NEIL1: variants seen among roughly 807,000 people sequenced by gnomAD.
The protein encoded by NEIL1 is nei like DNA glycosylase 1, also known as endonuclease 8-like 1.
NEIL1 carries 31 observed loss-of-function variants against 44.2 expected under a neutral mutation model. The ratio of observed to expected loss-of-function variants is 0.70; its 90% confidence interval spans 0.53 to 0.95. NEIL1 has a LOEUF of 0.95. NEIL1 is among the 40% of genes least tolerant of loss of function. The pLI is 0.00. For missense variants in NEIL1, 549 were observed against 515.5 expected (o/e 1.07, Z -0.63); for synonymous variants, 254 against 209.7 (o/e 1.21, Z -1.83).
At position 75,357,036 on chromosome 15, in the gene NEIL1, G is replaced by A. The variant is rs2072336450; in HGVS notation, c.*2002G>A. 1.4e-5 allele frequency: 10 copies of A among 689,806 alleles called. 2 individuals carry two copies. The South Asian group carries it at 1.9e-4, about 13-fold the overall frequency. The allele number at this position is 689,806 out of a possible 1,614,324, so 42.7% of individuals were successfully genotyped here. ...TGAACTCCAGCTCCCACTGTACGGG[G>A]CCCTGGGCATGCCACCCAACCTGCC... is the stretch of plus-strand genomic sequence containing the variant. On this transcript the variant is annotated 3_prime_UTR_variant, in exon 10 of 10. Coordinates refer to ENST00000355059, the MANE Select transcript of NEIL1 (RefSeq NM_024608.4).
intron 1 of NEIL1, 51 bp from the exon 2 acceptor site, chr15:75,348,833 T>C (rs1174165711): frequency 6.4e-7 from 1 of 1,562,516 alleles, no homozygotes; most frequent in African/African-American, 1.4e-5. Flanking sequence ...TGACAGCCGC[T>C]ACCTCACAAA....
In NEIL1 at chr15:75,352,164, A is replaced by T; in HGVS notation, c.488A>T (p.Glu163Val). Residue 163 changes from glutamate to valine, a missense_variant, in exon 3 of 10, where the codon GAG becomes GTG. Glu to Val is a moderately radical substitution (Grantham distance 121, BLOSUM62 -2). Transcript: ENST00000355059. The stretch of plus-strand genomic sequence containing the variant: ...AAGGCCTTTGACCGGCCCATCTGCG[A>T]GGCCCTCCTGGACCAGAGGTTCTTC... ...ADKAFDRPICEALLDQRFFNG... is the reference protein window; with the variant it reads ...ADKAFDRPICVALLDQRFFNG... 6.2e-7 allele frequency: 1 copy of T among 1,614,226 alleles called. No individual in the cohort carries two copies. Among genetic ancestry groups the T allele is most frequent in the Non-Finnish European group, 8.5e-7 (1 of 1,180,026 alleles).
At chr15:75,347,744 G>A in intron 1 of NEIL1, 1 of 1,009,636 alleles carries the variant, frequency 9.9e-7, no homozygotes, top group Non-Finnish European at 1.2e-6. Flanking sequence ...GGGGCCCTGA[G>A]GAGGAGGGGA....
chr15:75,353,400 T>A (rs2072086157), intron 5 of NEIL1: 2 of 340,176 alleles, frequency 5.9e-6, no homozygotes, highest in Admixed American at 7.5e-5. Flanking sequence ...TGTTAAAAAT[T>A]TTTTTTGTAG....
In NEIL1 at chr15:75,356,186, G is replaced by A. The variant is rs375127293; in HGVS notation, c.*1152G>A. The A allele has an allele frequency of 6.8e-6, 11 of 1,613,414 alleles. No individual in the cohort carries two copies. In the African/African-American group the frequency reaches 1.5e-4, roughly 22 times the overall value. On this transcript the variant is annotated 3_prime_UTR_variant, in exon 10 of 10. Transcript: ENST00000355059. This position sits in a 1 kb window ranked among gnomAD's most constrained non-coding sequence, Gnocchi z 5.8. The stretch of plus-strand genomic sequence containing the variant: ...CTGCCGTGGGCCTCATACAGCCTCA[G>A]GACCAGCGAGCGGCGCTGGGGGCTG...
intron 1 of NEIL1, chr15:75,348,221 C>A: frequency 1.3e-6 from 1 of 798,258 alleles, no homozygotes; most frequent in Non-Finnish European, 1.5e-6. Flanking sequence ...CGGGGGCGGC[C>A]GCGGGGATGT....
Position 75,355,546 on chromosome 15 carries a change from C to T in NEIL1, c.*512C>T. On this transcript the variant is annotated 3_prime_UTR_variant, in exon 10 of 10. Coordinates refer to ENST00000355059, the MANE Select transcript of NEIL1 (RefSeq NM_024608.4). ...AACCCACCCTTCGGCCCCTCCCCAGCCCCAGGCCCAGGCCCTTTACCTGCT... is the reference window on the plus strand; with the variant it reads ...AACCCACCCTTCGGCCCCTCCCCAGTCCCAGGCCCAGGCCCTTTACCTGCT... 3.8e-6 allele frequency: 1 copy of T among 264,460 alleles called. No homozygotes were observed. Among genetic ancestry groups the T allele is most frequent in the South Asian group, 4.6e-5 (1 of 21,608 alleles). 16.4% of individuals were successfully genotyped at this position (264,460 alleles called of 1,614,324 possible). A position where few individuals can be genotyped will look rare whatever the true frequency, so the allele number is the denominator to read the frequency against.
In NEIL1 at chr15:75,355,031, T is replaced by G. The variant is rs150897379; in HGVS notation, c.1170T>G (p.Ser390=). The G allele has an allele frequency of 1.9e-6, 3 of 1,613,128 alleles. No homozygotes were observed. The highest frequency in any genetic ancestry group is 2.7e-5 in the African/African-American group (2 of 74,918). The part of the protein sequence containing the change: ...PSLEPEGTSA[S] Reference sequence around the variant, plus strand: ...TGGAACCAGAGGGGACCTCAGCCTCTTAGCAGGAGGCTCTCCTTGCTTGCA... The same window carrying G: ...TGGAACCAGAGGGGACCTCAGCCTCGTAGCAGGAGGCTCTCCTTGCTTGCA... Residue 390 remains serine (S), a synonymous_variant, in exon 10 of 10, where the codon TCT becomes TCG. Coordinates refer to ENST00000355059, the MANE Select transcript of NEIL1 (RefSeq NM_024608.4).
In NEIL1 at chr15:75,356,341, G is replaced by C. The variant is rs759838160; in HGVS notation, c.*1307G>C. 6.2e-7 allele frequency: 1 copy of C among 1,612,720 alleles called. No homozygotes were observed. The highest frequency in any genetic ancestry group is 8.5e-7 in the Non-Finnish European group (1 of 1,179,562). On this transcript the variant is annotated 3_prime_UTR_variant, in exon 10 of 10. Transcript: ENST00000355059. The surrounding 1 kb of genome is among the most constrained non-coding windows in gnomAD (Gnocchi z 5.8). ...CAATACGACCGCGGGTGAAGACACG[G>C]AAAACGCACTCCAGGAGGTGGCGGG...
rs750601673 is a variant in NEIL1 at position 75,352,197 on chromosome 15, T to C, written c.521T>C (p.Ile174Thr). Residue 174 changes from isoleucine (I) to threonine (T), a missense_variant, in exon 3 of 10, where the codon ATT (isoleucine) becomes ACT (threonine). Coordinates refer to ENST00000355059, the MANE Select transcript of NEIL1 (RefSeq NM_024608.4). ...ALLDQRFFNG[I>T]GNYLRAEILY... ...CTGGACCAGAGGTTCTTCAATGGCA[T>C]TGGCAACTATCTGCGGGCAGAGATC... The C allele has an allele frequency of 4.3e-6, 7 of 1,614,244 alleles. No individual in the cohort carries two copies. The highest frequency in any genetic ancestry group is 1.3e-5 in the African/African-American group (1 of 75,066).
intron 1 of NEIL1, chr15:75,347,832 T>TA (rs1008865974): frequency 8.6e-7 from 1 of 1,160,736 alleles, no homozygotes; most frequent in African/African-American, 1.6e-5. Flanking sequence ...TCCCCAAAAC[T>TA]AGGATTTGGA....
chr15:75,355,325 C>A lies in NEIL1; in HGVS notation c.*291C>A, dbSNP rs1438520176. On this transcript the variant is annotated 3_prime_UTR_variant, in exon 10 of 10. Transcript: ENST00000355059. ...GGTCCTGGTGACAGAAGGCCCAGCT[C>A]CTCACAAGGCAAACTGAGCCCCCAT... is the stretch of plus-strand genomic sequence containing the variant. 2.6e-6 allele frequency: 1 copy of A among 383,962 alleles called. No homozygotes were observed. The highest frequency in any genetic ancestry group is 4.8e-6 in the Non-Finnish European group (1 of 209,228). The allele number at this position is 383,962 out of a possible 1,614,324, so 23.8% of individuals were successfully genotyped here.
At position 75,352,179 on chromosome 15, in the gene NEIL1, A is replaced by C. The variant is rs2071954014; in HGVS notation, c.503A>C (p.Gln168Pro). 6.2e-7 allele frequency: 1 copy of C among 1,614,246 alleles called. No individual in the cohort carries two copies. Among genetic ancestry groups the C allele is most frequent in the Non-Finnish European group, 8.5e-7 (1 of 1,180,042 alleles). ...CCCATCTGCGAGGCCCTCCTGGACC[A>C]GAGGTTCTTCAATGGCATTGGCAAC... The part of the protein sequence containing the change: ...DRPICEALLD[Q>P]RFFNGIGNYL... Residue 168 changes from glutamine (Q) to proline (P), a missense_variant, in exon 3 of 10, where the codon CAG becomes CCG. By Grantham distance (76) the Gln-to-Pro change is moderately conservative. Transcript: ENST00000355059.
In NEIL1 at chr15:75,354,222, T is replaced by C. The variant is rs747565768; in HGVS notation, c.847-28T>C. 3.7e-6 allele frequency: 6 copies of C among 1,613,964 alleles called. No homozygotes were observed. In the East Asian group the frequency reaches 1.3e-4, roughly 36 times the overall value. ...CCGCCCCTGTGCCAACCCAGGCTGA[T>C]TCCTGAATTATCCCCATCCCATTTT... On this transcript the variant is annotated intron_variant, in intron 6 of 9. Transcript: ENST00000355059.
At position 75,355,043 on chromosome 15, in the gene NEIL1, TC is replaced by T; in HGVS notation, c.*10del. On this transcript the variant is annotated 3_prime_UTR_variant, in exon 10 of 10. Transcript: ENST00000355059. ...GGACCTCAGCCTCTTAGCAGGAGGCTCTCCTTGCTTGCACTCACCCTTTCTT... is the reference window on the plus strand; with the variant it reads ...GGACCTCAGCCTCTTAGCAGGAGGCTTCCTTGCTTGCACTCACCCTTTCTT... 1.2e-6 allele frequency: 2 copies of T among 1,612,432 alleles called. No individual in the cohort carries two copies. The highest frequency in any genetic ancestry group is 1.7e-6 in the Non-Finnish European group (2 of 1,179,128).
At position 75,353,746 on chromosome 15, in the gene NEIL1, A is replaced by G. The variant is rs1197822599; in HGVS notation, c.726A>G (p.Lys242=). Residue 242 remains lysine, a synonymous_variant, in exon 6 of 10, where the codon AAA becomes AAG. Coordinates refer to ENST00000355059, the MANE Select transcript of NEIL1 (RefSeq NM_024608.4). Reference sequence around the variant, plus strand: ...TGTTCCTCTGTCCCACAGGGGGCAAAGGCTACGGGTCAGAGAGCGGGGAGG... The same window carrying G: ...TGTTCCTCTGTCCCACAGGGGGCAAGGGCTACGGGTCAGAGAGCGGGGAGG... ...VPKEVVQLGG[K]GYGSESGEED... 6.2e-7 allele frequency: 1 copy of G among 1,614,020 alleles called. No individual in the cohort carries two copies. The highest frequency in any genetic ancestry group is 2.2e-5 in the East Asian group (1 of 44,880).
chr15:75,354,877 C>T, intron 9 of NEIL1, 59 bp downstream of exon 9: 1 of 1,612,564 alleles, frequency 6.2e-7, no homozygotes, highest in Non-Finnish European at 8.5e-7. Context: ...GGATGGTGGC[C>T]TAGGAGCGCG....
At position 75,356,376 on chromosome 15, in the gene NEIL1, G is replaced by A; in HGVS notation, c.*1342G>A. On this transcript the variant is annotated 3_prime_UTR_variant, in exon 10 of 10. Transcript: ENST00000355059. The surrounding 1 kb of genome is among the most constrained non-coding windows in gnomAD (Gnocchi z 5.8). The stretch of plus-strand genomic sequence containing the variant: ...TCCAGGAGGTGGCGGGCGCTGGGCT[G>A]GGGGCTGGCAGAGCCAACAGGGGGA... 6.2e-7 allele frequency: 1 copy of A among 1,611,706 alleles called. No homozygotes were observed. The highest frequency in any genetic ancestry group is 1.1e-5 in the South Asian group (1 of 90,610).
intron 2 of NEIL1, chr15:75,351,885 G>A (rs1327042358): frequency 2.1e-6 from 1 of 475,752 alleles, no homozygotes; most frequent in East Asian, 4.2e-5. Context: ...GCCTCCCAAA[G>A]TGCTGAGATT....
Sources: gnomAD v4.1 joint callset for allele counts on GRCh38, gnomAD v4.1.1 for gene constraint, Gnocchi (gnomAD v3.1) non-coding constraint, MANE v1.5 for transcripts, NCBI Gene and HGNC (gene_info 2026-07-23, HGNC 2026-07-21) for gene names.